OSBPL10: variants seen among roughly 807,000 people sequenced by gnomAD.
The protein encoded by OSBPL10 is oxysterol binding protein like 10, also known as oxysterol-binding protein-related protein 10.
OSBPL10 carries 49 observed loss-of-function variants against 81.7 expected under a neutral mutation model. The ratio of observed to expected loss-of-function variants is 0.60; its 90% confidence interval spans 0.48 to 0.76. The LOEUF is 0.76. Ranked by LOEUF, OSBPL10 falls within the 30% of genes least tolerant of loss-of-function variation. OSBPL10 has a pLI of 0.00. For missense variants in OSBPL10, 923 were observed against 987.8 expected (o/e 0.93, Z 0.88); for synonymous variants, 419 against 383.6 (o/e 1.09, Z -1.08).
At chr3:31,868,723 G>A (rs1368013648) in intron 3 of OSBPL10, among the ~76,000 whole-genome samples, 1 of 152,056 alleles carries the variant, frequency 6.6e-6, no homozygotes, top group East Asian at 1.9e-4. Context: ...CAGAATTAAA[G>A]CCAATGAAAC....
chr3:31,878,278 A>G (rs1319243968), intron 2 of OSBPL10, among the ~76,000 whole-genome samples: 2 of 152,218 alleles, frequency 1.3e-5, no homozygotes, highest in East Asian at 1.9e-4. Flanking sequence ...GTATCATTTT[A>G]TAAACCACAG....
Position 32,060,973 on chromosome 3 carries a change from C to CAA in OSBPL10, n.186-14372_186-14371dup, listed in dbSNP as rs766388241. Among the ~76,000 whole-genome samples, 9 of 21,578 alleles carry CAA rather than the reference C, an allele frequency of 4.2e-4. No individual in the cohort carries two copies. In the Admixed American group the frequency reaches 5.8e-3, roughly 14 times the overall value. 14.2% of individuals were successfully genotyped at this position (21,578 alleles called of 152,430 possible). A position where few individuals can be genotyped will look rare whatever the true frequency, so the allele number is the denominator to read the frequency against. Reference sequence around the variant, plus strand: ...GGGCAACAAGAGCAAAACTCCGCCTCAAAAAAAAAAAAAAAACCCTCAGAG... The same window carrying CAA: ...GGGCAACAAGAGCAAAACTCCGCCTCAAAAAAAAAAAAAAAAAACCCTCAGAG... On this transcript the variant is annotated intron_variant and non_coding_transcript_variant, in intron 1 of 3. Transcript: ENST00000479173.
intron 4 of OSBPL10, among the ~76,000 whole-genome samples, chr3:31,827,308 A>G (rs948998716): frequency 1.4e-5 from 2 of 143,258 alleles, no homozygotes; most frequent in Admixed American, 6.8e-5. Context: ...ACGATAAAGG[A>G]AAAAAAAAAG....
At chr3:31,947,491 T>C (rs1292268059) in intron 1 of OSBPL10, among the ~76,000 whole-genome samples, 1 of 152,130 alleles carries the variant, frequency 6.6e-6, no homozygotes, top group Non-Finnish European at 1.5e-5. Flanking sequence ...CAATGGCAGA[T>C]CTTACACCAA....
intron 2 of OSBPL10, among the ~76,000 whole-genome samples, chr3:31,876,850 C>A (rs902691899): frequency 1.3e-5 from 2 of 151,054 alleles, no homozygotes; most frequent in African/African-American, 4.9e-5. Flanking sequence ...GAACCACATG[C>A]TTATTTTCAA....
chr3:31,908,455 T>C (rs1696479449), intron 1 of OSBPL10, among the ~76,000 whole-genome samples: 2 of 152,172 alleles, frequency 1.3e-5, no homozygotes, highest in African/African-American at 4.8e-5. Context: ...CCAACACAAC[T>C]GGAAGAGCCA....
intron 3 of OSBPL10, among the ~76,000 whole-genome samples, chr3:31,854,550 A>C (rs1307878761): frequency 6.6e-6 from 1 of 152,230 alleles, no homozygotes; most frequent in Non-Finnish European, 1.5e-5. Flanking sequence ...AAAGTGTTAG[A>C]CTATATATAA....
rs1257262667 is a variant in OSBPL10 at position 31,898,023 on chromosome 3, AAAAAAAAAAAAAAAC to A, written c.282-18208_282-18194del. On this transcript the variant is annotated intron_variant, in intron 1 of 11. Coordinates refer to ENST00000396556, the MANE Select transcript of OSBPL10 (RefSeq NM_017784.5). ...AACTCTGTCAAAAAAAAAAAAAAAA[AAAAAAAAAAAAAAAC>A]AGAAGAAGAAGAGAAAGGAATGATA... 1.0e-3 allele frequency among the ~76,000 whole-genome samples: 120 copies of A among 117,556 alleles called. 2 individuals carry two copies. Among genetic ancestry groups the A allele is most frequent in the African/African-American group, 3.8e-3 (84 of 22,212 alleles). 77.1% of individuals were successfully genotyped at this position (117,556 alleles called of 152,430 possible).
chr3:31,917,180 A>G (rs1696780981), intron 1 of OSBPL10, among the ~76,000 whole-genome samples: 1 of 152,172 alleles, frequency 6.6e-6, no homozygotes, highest in South Asian at 2.1e-4. Context: ...ACTAGGCCCC[A>G]CACAAGAAAT....
At chr3:31,707,916 T>C (rs1297755162) in intron 6 of OSBPL10, among the ~76,000 whole-genome samples, 1 of 151,272 alleles carries the variant, frequency 6.6e-6, no homozygotes, top group African/African-American at 2.4e-5. Flanking sequence ...GAGTGTGGAG[T>C]TGAGACATAG....
intron 1 of OSBPL10, among the ~76,000 whole-genome samples, chr3:31,881,356 G>C (rs1185961044): frequency 1.3e-5 from 2 of 152,200 alleles, no homozygotes; most frequent in Non-Finnish European, 2.9e-5. Context: ...GGGTCATACA[G>C]TGAACTGATA....
At chr3:31,824,137 G>A (rs1700045678) in intron 4 of OSBPL10, among the ~76,000 whole-genome samples, 1 of 152,144 alleles carries the variant, frequency 6.6e-6, no homozygotes, top group Admixed American at 6.6e-5. Flanking sequence ...TGGAATTATA[G>A]GCATGAGCCA....
At chr3:31,810,466 T>C (rs1007927239) in intron 4 of OSBPL10, among the ~76,000 whole-genome samples, 8 of 126,274 alleles carry the variant, frequency 6.3e-5, no homozygotes, top group African/African-American at 2.6e-4. Flanking sequence ...TCTCTAAAGA[T>C]TGACACTTTG....
intron 2 of OSBPL10, among the ~76,000 whole-genome samples, chr3:32,026,092 T>TAGATAGATAGATAGATA (rs1553649758): frequency 7.3e-6 from 1 of 137,730 alleles, no homozygotes; most frequent in African/African-American, 2.7e-5. Flanking sequence ...GATAGATAGA[T>TAGATAGATAGATAGATA]GATAGATAGA....
chr3:31,941,074 C>G (rs1697524728), intron 1 of OSBPL10, among the ~76,000 whole-genome samples: 1 of 152,110 alleles, frequency 6.6e-6, no homozygotes, highest in African/African-American at 2.4e-5. Flanking sequence ...CAACGTTTGT[C>G]CGACAGGTGA....
intron 4 of OSBPL10, among the ~76,000 whole-genome samples, chr3:31,777,957 G>C (rs1326723752): frequency 6.6e-6 from 1 of 152,208 alleles, no homozygotes; most frequent in Non-Finnish European, 1.5e-5. Flanking sequence ...GTTGCAGGGT[G>C]AAAGAAGCTT....
chr3:31,922,675 A>T (rs930534053), intron 1 of OSBPL10, among the ~76,000 whole-genome samples: 4 of 152,114 alleles, frequency 2.6e-5, no homozygotes, highest in South Asian at 2.1e-4. Context: ...AAGTCTATTA[A>T]TTTTTTTTAA....
intron 3 of OSBPL10, among the ~76,000 whole-genome samples, chr3:31,842,440 G>A (rs559241282): frequency 5.3e-5 from 8 of 152,302 alleles, no homozygotes; most frequent in African/African-American, 1.9e-4. Context: ...CAATACCTGA[G>A]CAAGTTGGCT....
chr3:31,936,164 C>G (rs1019037051), intron 1 of OSBPL10, among the ~76,000 whole-genome samples: 2 of 152,068 alleles, frequency 1.3e-5, no homozygotes, highest in African/African-American at 4.8e-5. Context: ...TTTGCTTCAG[C>G]CTCTCATGCT....
Sources: gnomAD v4.1 joint callset for allele counts (sites outside exome capture counted in the v4.1 genomes callset) on GRCh38, gnomAD v4.1.1 for gene constraint, MANE v1.5 for transcripts, NCBI Gene and HGNC (gene_info 2026-07-23, HGNC 2026-07-21) for gene names.